The following SYN2 variants were observed in gnomAD, a reference collection of about 807,000 sequenced individuals.
SYN2 encodes synapsin-2.
Under a neutral mutation model 50.9 loss-of-function variants are expected in SYN2, and 19 were observed. That is an observed-to-expected ratio of 0.37 (90% CI 0.26 to 0.55). The LOEUF (loss-of-function observed/expected upper bound fraction) is 0.55. SYN2 is among the 20% of genes least tolerant of loss of function. The pLI, the probability that SYN2 is intolerant of heterozygous loss-of-function variation, is 0.81. For synonymous variants in SYN2, 255 were observed against 224.9 expected (o/e 1.13, Z -1.20); for missense variants, 587 against 576.4 (o/e 1.02, Z -0.19).
At chr3:12,014,036 ACT>A in intron 1 of SYN2, among the ~76,000 whole-genome samples, 1 of 151,962 alleles carries the variant, frequency 6.6e-6, no homozygotes, top group Non-Finnish European at 1.5e-5. Flanking sequence ...CTCTTCTCTA[ACT>A]CTCTAGATTG....
intron 1 of SYN2, 128 bp from the exon 2 acceptor site, chr3:12,140,523 C>G: frequency 1.4e-6 from 1 of 696,874 alleles, no homozygotes; most frequent in East Asian, 2.7e-5. Flanking sequence ...GAATGTGGAT[C>G]AGAACCCAGG....
chr3:12,053,788 C>T (rs1165718239), intron 1 of SYN2, among the ~76,000 whole-genome samples: 1 of 152,010 alleles, frequency 6.6e-6, no homozygotes, highest in African/African-American at 2.4e-5. Flanking sequence ...AAGTAATTAA[C>T]TTAAAATAAG....
intron 1 of SYN2, among the ~76,000 whole-genome samples, chr3:12,031,880 A>G: frequency 8.8e-6 from 1 of 114,136 alleles, no homozygotes. Context: ...GTCCATTTAC[A>G]TTTAAAGTTA....
intron 1 of SYN2, among the ~76,000 whole-genome samples, chr3:12,105,333 A>G (rs187094807): frequency 9.2e-5 from 14 of 152,098 alleles, no homozygotes; most frequent in Admixed American, 8.5e-4. Context: ...TTACCCTTAC[A>G]TGGCGAGAAG....
intron 1 of SYN2, among the ~76,000 whole-genome samples, chr3:12,015,800 C>T (rs1694018789): frequency 6.6e-6 from 1 of 152,206 alleles, no homozygotes. Flanking sequence ...TTTCCTTGAG[C>T]TTTTCTCAAG....
chr3:12,079,277 G>T (rs1463205741), intron 1 of SYN2, among the ~76,000 whole-genome samples: 3 of 151,934 alleles, frequency 2.0e-5, no homozygotes, highest in Non-Finnish European at 4.4e-5. Context: ...CTCTCTTCCC[G>T]TTTGAATATC....
intron 5 of SYN2, chr3:12,154,421 A>G: frequency 1.9e-6 from 3 of 1,614,122 alleles, no homozygotes; most frequent in Non-Finnish European, 1.7e-6. Flanking sequence ...GCACAGATGG[A>G]TGAAGACTTT....
chr3:12,119,020 G>A (rs1034585158), intron 1 of SYN2, among the ~76,000 whole-genome samples: 3 of 151,996 alleles, frequency 2.0e-5, no homozygotes, highest in African/African-American at 7.3e-5. Flanking sequence ...CATCTCATTT[G>A]CACTTGTGGT....
chr3:12,074,955 T>A (rs1695436799), intron 1 of SYN2, among the ~76,000 whole-genome samples: 1 of 152,172 alleles, frequency 6.6e-6, no homozygotes, highest in Non-Finnish European at 1.5e-5. Flanking sequence ...AAGTAATTTA[T>A]AGTGGGTTTC....
At chr3:12,075,791 T>C (rs1695455921) in intron 1 of SYN2, among the ~76,000 whole-genome samples, 1 of 152,136 alleles carries the variant, frequency 6.6e-6, no homozygotes, top group Non-Finnish European at 1.5e-5. Flanking sequence ...TTAAAAATTG[T>C]TCAGTAAAGC....
intron 1 of SYN2, among the ~76,000 whole-genome samples, chr3:12,078,530 A>T (rs1695520547): frequency 6.6e-6 from 1 of 152,172 alleles, no homozygotes; most frequent in Non-Finnish European, 1.5e-5. Flanking sequence ...ATGGCTAGCT[A>T]GTTCTTCCAG....
chr3:12,174,444 G>C (rs1698013724), intron 10 of SYN2, among the ~76,000 whole-genome samples: 1 of 152,054 alleles, frequency 6.6e-6, no homozygotes, highest in African/African-American at 2.4e-5. Flanking sequence ...AAGGGCCTTT[G>C]TATTAGGCTG....
chr3:12,057,924 T>G (rs915605384), intron 1 of SYN2, among the ~76,000 whole-genome samples: 1 of 152,196 alleles, frequency 6.6e-6, no homozygotes, highest in Non-Finnish European at 1.5e-5. Context: ...GCATAGTATT[T>G]CATCGTGTGG....
intron 2 of SYN2, among the ~76,000 whole-genome samples, chr3:12,141,198 AT>A (rs10715385): frequency 0.25 from 35,695 of 144,834 alleles, 5,991 homozygotes; most frequent in African/African-American, 0.5. Context: ...TGAAAGTCCA[AT>A]TTTTTTTTTT....
At chr3:12,011,582 A>C (rs935746157) in intron 1 of SYN2, among the ~76,000 whole-genome samples, 2 of 152,208 alleles carry the variant, frequency 1.3e-5, no homozygotes, top group African/African-American at 4.8e-5. Flanking sequence ...TAAGATTGTA[A>C]AATAGATTAG....
intron 7 of SYN2, among the ~76,000 whole-genome samples, chr3:12,167,000 G>C (rs1254794995): frequency 2.6e-5 from 4 of 152,232 alleles, no homozygotes; most frequent in Non-Finnish European, 5.9e-5. Context: ...ATCAGGGCAG[G>C]CTCTGTGGAG....
chr3:12,044,667 C>A (rs1207781331), intron 1 of SYN2, among the ~76,000 whole-genome samples: 1 of 152,158 alleles, frequency 6.6e-6, no homozygotes, highest in Non-Finnish European at 1.5e-5. Flanking sequence ...AAGCAGTTAG[C>A]ATCCCTCTTC....
At chr3:12,124,821 A>G (rs1229209683) in intron 1 of SYN2, among the ~76,000 whole-genome samples, 1 of 152,220 alleles carries the variant, frequency 6.6e-6, no homozygotes, top group Non-Finnish European at 1.5e-5. Context: ...ATGTTAATTC[A>G]GAGTAGTTAT....
At chr3:12,034,717 T>C (rs1694457983) in intron 1 of SYN2, among the ~76,000 whole-genome samples, 1 of 152,158 alleles carries the variant, frequency 6.6e-6, no homozygotes, top group South Asian at 2.1e-4. Context: ...TAACAGCATT[T>C]GTCCATTCAC....
Sources: gnomAD v4.1 joint callset for allele counts (sites outside exome capture counted in the v4.1 genomes callset) on GRCh38, gnomAD v4.1.1 for gene constraint, MANE v1.5 for transcripts, NCBI Gene and HGNC (gene_info 2026-07-23, HGNC 2026-07-21) for gene names.